The following ARB2A variants were observed in gnomAD, a reference collection of about 807,000 sequenced individuals.
The protein encoded by ARB2A is ARB2 cotranscriptional regulator A.
the ARB2A span, among the ~76,000 whole-genome samples, chr5:93,925,846 A>T: frequency 6.6e-6 from 1 of 152,152 alleles, no homozygotes; most frequent in African/African-American, 2.4e-5. Flanking sequence ...TTTGAGGAAG[A>T]GGTCTATTTC....
At chr5:93,806,622 T>C in the ARB2A span, among the ~76,000 whole-genome samples, 7 of 151,968 alleles carry the variant, frequency 4.6e-5, no homozygotes, top group African/African-American at 1.2e-4. Context: ...ATTGCTCTTG[T>C]ATAATAAACA....
chr5:93,964,017 G>C, the ARB2A span, among the ~76,000 whole-genome samples: 2 of 151,884 alleles, frequency 1.3e-5, no homozygotes, highest in African/African-American at 4.8e-5. Flanking sequence ...GAATGAATTT[G>C]GGAATGTATA....
chr5:93,864,458 C>T, the ARB2A span, among the ~76,000 whole-genome samples: 12 of 152,114 alleles, frequency 7.9e-5, no homozygotes, highest in African/African-American at 2.7e-4. Context: ...AATACCACCA[C>T]ATTACTGGAA....
the ARB2A span, chr5:94,111,525 C>A: frequency 6.6e-6 from 1 of 152,320 alleles, no homozygotes; most frequent in Non-Finnish European, 1.5e-5. Context: ...GCTCTGCCCC[C>A]AGCCACAGGG....
chr5:93,767,193 G>GA, the ARB2A span, among the ~76,000 whole-genome samples: 3 of 151,860 alleles, frequency 2.0e-5, no homozygotes, highest in East Asian at 3.9e-4. Context: ...GTATAATAAA[G>GA]AAAAAATCCC....
chr5:93,716,118 G>A, the ARB2A span, among the ~76,000 whole-genome samples: 1 of 152,178 alleles, frequency 6.6e-6, no homozygotes, highest in African/African-American at 2.4e-5. Flanking sequence ...ATTTACGAAG[G>A]AGGTTTAATA....
chr5:93,748,469 TA>T, the ARB2A span, among the ~76,000 whole-genome samples: 1 of 151,978 alleles, frequency 6.6e-6, no homozygotes, highest in African/African-American at 2.4e-5. Flanking sequence ...ACTTTGAAAA[TA>T]AAAAGACAGA....
At chr5:94,050,279 G>C in the ARB2A span, among the ~76,000 whole-genome samples, 1 of 147,408 alleles carries the variant, frequency 6.8e-6, no homozygotes, top group South Asian at 2.2e-4. Context: ...TTTTGAGACG[G>C]AGTCTTGCTC....
At chr5:93,953,100 A>C in the ARB2A span, among the ~76,000 whole-genome samples, 4 of 152,130 alleles carry the variant, frequency 2.6e-5, no homozygotes, top group Admixed American at 2.6e-4. Flanking sequence ...GCTATCTTGA[A>C]TTCTCTGTCT....
the ARB2A span, among the ~76,000 whole-genome samples, chr5:93,662,508 T>C: frequency 2.0e-5 from 3 of 152,234 alleles, no homozygotes; most frequent in Non-Finnish European, 4.4e-5. Context: ...CTGTTGATAC[T>C]TACACTTAAA....
the ARB2A span, among the ~76,000 whole-genome samples, chr5:93,968,863 T>TA: frequency 6.6e-6 from 1 of 152,006 alleles, no homozygotes. Flanking sequence ...GGACTTCTCT[T>TA]ACAAACTATG....
chr5:93,683,600 G>A, the ARB2A span: 95 of 1,471,590 alleles, frequency 6.5e-5, no homozygotes, highest in Non-Finnish European at 7.8e-5. Flanking sequence ...GATAACTGGC[G>A]CTCATTTTCA....
At chr5:93,828,001 G>A in the ARB2A span, among the ~76,000 whole-genome samples, 1 of 152,202 alleles carries the variant, frequency 6.6e-6, no homozygotes, top group Admixed American at 6.5e-5. Flanking sequence ...TAGCCTTGTA[G>A]TATAGTTTGA....
chr5:94,066,410 T>C, the ARB2A span, among the ~76,000 whole-genome samples: 1 of 144,118 alleles, frequency 6.9e-6, no homozygotes, highest in African/African-American at 2.6e-5. Flanking sequence ...TCTAAACAGC[T>C]TGCCAGACTA....
chr5:93,781,785 G>C, the ARB2A span: 66 of 612,870 alleles, frequency 1.1e-4, no homozygotes, highest in African/African-American at 1.3e-3. Context: ...TAGTGATGTC[G>C]AGCATTTTTT....
chr5:94,104,378 C>T, the ARB2A span, among the ~76,000 whole-genome samples: 1 of 151,390 alleles, frequency 6.6e-6, no homozygotes, highest in African/African-American at 2.4e-5. Context: ...ATTAGGAACA[C>T]CTCTACCTAC....
the ARB2A span, among the ~76,000 whole-genome samples, chr5:93,821,734 G>A: frequency 6.6e-6 from 1 of 151,750 alleles, no homozygotes. Flanking sequence ...AAACACAGTG[G>A]ACCTAAACAT....
chr5:93,988,902 G>A, the ARB2A span, among the ~76,000 whole-genome samples: 1 of 152,182 alleles, frequency 6.6e-6, no homozygotes, highest in Non-Finnish European at 1.5e-5. Context: ...TTCAAACCTA[G>A]GCAATCTACC....
chr5:93,879,038 T>A, the ARB2A span, among the ~76,000 whole-genome samples: 14 of 152,240 alleles, frequency 9.2e-5, no homozygotes, highest in Non-Finnish European at 1.8e-4. Context: ...TTTCAAATTG[T>A]AAATTGGTAA....
Sources: allele counts gnomAD v4.1 joint callset (sites outside exome capture counted in the v4.1 genomes callset), GRCh38; gene constraint gnomAD v4.1.1; transcripts MANE v1.5; gene names NCBI Gene and HGNC (gene_info 2026-07-23, HGNC 2026-07-21).